SYTL3: variants seen among roughly 807,000 people sequenced by gnomAD.
SYTL3 encodes the protein synaptotagmin like 3, also known as synaptotagmin-like protein 3.
Under a neutral mutation model 82.1 loss-of-function variants are expected in SYTL3, and 88 were observed. The ratio of observed to expected loss-of-function variants is 1.07; its 90% confidence interval spans 0.90 to 1.28. The LOEUF is 1.28. Among genes scored for constraint, SYTL3 ranks in the 50% most tolerant of loss-of-function variants. The pLI is 0.00. For synonymous variants in SYTL3, 311 were observed against 289.4 expected (o/e 1.07, Z -0.76); for missense variants, 831 against 757.6 (o/e 1.10, Z -1.14).
At chr6:158,726,997 C>T (rs929349124) in intron 11 of SYTL3, among the ~76,000 whole-genome samples, 2 of 151,782 alleles carry the variant, frequency 1.3e-5, no homozygotes, top group Non-Finnish European at 2.9e-5. Context: ...CTACAGGCGC[C>T]CGCCACCACA....
chr6:158,690,527 C>T (rs764231143), intron 6 of SYTL3, among the ~76,000 whole-genome samples: 4 of 151,984 alleles, frequency 2.6e-5, no homozygotes, highest in Non-Finnish European at 5.9e-5. Context: ...CCCAGATTTC[C>T]TTGGAAGTAG....
In SYTL3 at chr6:158,764,856, CGTTGTT is replaced by C; in HGVS notation, c.*253_*258del. 2.6e-6 allele frequency: 1 copy of C among 389,314 alleles called. No homozygotes were observed. Among genetic ancestry groups the C allele is most frequent in the Non-Finnish European group, 4.7e-6 (1 of 214,960 alleles). The allele number at this position is 389,314 out of a possible 1,614,324, so 24.1% of individuals were successfully genotyped here. On this transcript the variant is annotated 3_prime_UTR_variant, in exon 18 of 18. Coordinates refer to ENST00000611299, the MANE Select transcript of SYTL3 (RefSeq NM_001242394.2). ...TAGAAAATGGCCAGATTTTAATAAACGTTGTTACCCATGTCCTCCAGTGCTTATCAA... is the reference window on the plus strand; with the variant it reads ...TAGAAAATGGCCAGATTTTAATAAACACCCATGTCCTCCAGTGCTTATCAA...
chr6:158,745,684 A>G (rs1041737335), intron 12 of SYTL3, 26 bp downstream of exon 12: 1 of 1,548,194 alleles, frequency 6.5e-7, no homozygotes, highest in Non-Finnish European at 8.7e-7. Flanking sequence ...TAAGTTTAAC[A>G]TGAGACATAT....
intron 13 of SYTL3, among the ~76,000 whole-genome samples, chr6:158,755,635 C>T (rs1562466558): frequency 1.3e-5 from 2 of 152,210 alleles, no homozygotes; most frequent in East Asian, 3.8e-4. Context: ...AGGGAAATTA[C>T]CGTGTCTCAG....
intron 15 of SYTL3, 141 bp downstream of exon 15, chr6:158,760,886 T>C: frequency 1.4e-6 from 1 of 690,246 alleles, no homozygotes; most frequent in Non-Finnish European, 2.5e-6. Context: ...CTCTTCTTTC[T>C]GAGCCATGCA....
At chr6:158,692,838 C>G (rs1212284346) in intron 6 of SYTL3, among the ~76,000 whole-genome samples, 1 of 151,724 alleles carries the variant, frequency 6.6e-6, no homozygotes, top group Non-Finnish European at 1.5e-5. Flanking sequence ...GTGGTCCCAG[C>G]CACTCGGCAG....
At position 158,663,341 on chromosome 6, in the gene SYTL3, G is replaced by C. The variant is rs754080810; in HGVS notation, c.73G>C (p.Asp25His). 3.1e-6 allele frequency: 5 copies of C among 1,614,066 alleles called. No individual in the cohort carries two copies. In the South Asian group the frequency reaches 4.4e-5, roughly 14 times the overall value. The stretch of plus-strand genomic sequence containing the variant: ...GGCCATTCTCCAGGTCCTGTACCGA[G>C]ACCAGGCGGTTCAAAACACAGAGGA... ...REAILQVLYR[D>H]QAVQNTEEER... Residue 25 changes from aspartate to histidine, a missense_variant, in exon 4 of 18, where the codon GAC (aspartate) becomes CAC (histidine). Physicochemically the swap from Asp to His is moderately conservative, Grantham distance 81. Transcript: ENST00000611299.
chr6:158,755,675 T>C (rs1325543065), intron 13 of SYTL3, among the ~76,000 whole-genome samples: 2 of 152,128 alleles, frequency 1.3e-5, no homozygotes, highest in African/African-American at 4.8e-5. Flanking sequence ...CGTTCCTCGA[T>C]TGGAAAGATG....
intron 10 of SYTL3, among the ~76,000 whole-genome samples, chr6:158,719,095 C>G (rs1783770856): frequency 6.6e-6 from 1 of 152,212 alleles, no homozygotes; most frequent in Non-Finnish European, 1.5e-5. Context: ...GCGCACAGCA[C>G]AAGGTTTTGT....
At chr6:158,728,200 A>G (rs913353522) in intron 11 of SYTL3, among the ~76,000 whole-genome samples, 3 of 152,148 alleles carry the variant, frequency 2.0e-5, no homozygotes, top group Non-Finnish European at 2.9e-5. Flanking sequence ...TCATCTAGAA[A>G]TTTAGAAAAG....
upstream of SYTL3, among the ~76,000 whole-genome samples, chr6:158,648,477 G>GCTACT: frequency 6.6e-6 from 1 of 151,608 alleles, no homozygotes; most frequent in Non-Finnish European, 1.5e-5. Flanking sequence ...TGTAGTCCCA[G>GCTACT]CTACTCGGGA....
chr6:158,672,552 G>A (rs888826075), intron 5 of SYTL3, among the ~76,000 whole-genome samples: 1 of 109,116 alleles, frequency 9.2e-6, no homozygotes, highest in Non-Finnish European at 1.9e-5. Flanking sequence ...TGGTTTTTTT[G>A]TTTCTTTTTT....
intron 5 of SYTL3, among the ~76,000 whole-genome samples, chr6:158,668,521 G>T (rs754244189): frequency 6.7e-6 from 1 of 150,250 alleles, no homozygotes; most frequent in Non-Finnish European, 1.5e-5. Flanking sequence ...GAGCCACTGC[G>T]CCCGGCCGGC....
At chr6:158,709,003 G>A (rs1432859734) in intron 8 of SYTL3, among the ~76,000 whole-genome samples, 4 of 152,160 alleles carry the variant, frequency 2.6e-5, no homozygotes, top group South Asian at 2.1e-4. Flanking sequence ...TTGGGAGGCC[G>A]AGGTGGGTCA....
intron 12 of SYTL3, among the ~76,000 whole-genome samples, chr6:158,751,647 G>A (rs1037603339): frequency 2.0e-5 from 3 of 152,188 alleles, no homozygotes; most frequent in South Asian, 4.1e-4. Flanking sequence ...TCGCCAAATG[G>A]AGTAGGGCCT....
Position 158,718,104 on chromosome 6 carries a change from AATG to A in SYTL3, c.616_618del (p.Asp206del). Reference sequence around the variant, plus strand: ...CCTTTTAGAGCTCTCCAAATCCCAGAATGATATGACTTCTGAGAAGCATCTTCT... The same window carrying A: ...CCTTTTAGAGCTCTCCAAATCCCAGAATATGACTTCTGAGAAGCATCTTCT... On this transcript the variant is annotated inframe_deletion, in exon 10 of 18. Transcript: ENST00000611299. 1.3e-6 allele frequency: 2 copies of A among 1,542,172 alleles called. No individual in the cohort carries two copies. Among genetic ancestry groups the A allele is most frequent in the Non-Finnish European group, 1.7e-6 (2 of 1,143,200 alleles).
chr6:158,672,998 A>C (rs1413846828), intron 5 of SYTL3, among the ~76,000 whole-genome samples: 1 of 151,934 alleles, frequency 6.6e-6, no homozygotes, highest in Non-Finnish European at 1.5e-5. Context: ...GGGTGTGATC[A>C]TAGCTCACTG....
rs750615214 is a variant in SYTL3 at position 158,745,600 on chromosome 6, T to C, written c.976T>C (p.Cys326Arg). The change falls in exon 12 of 18, where the codon TGC (cysteine) becomes CGC (arginine). Residue 326 changes from cysteine to arginine, a missense_variant. Cys to Arg is a radical substitution (Grantham distance 180, BLOSUM62 -3). Coordinates refer to ENST00000611299, the MANE Select transcript of SYTL3 (RefSeq NM_001242394.2). ...YCFKTHSLEI[C>R]IKACKNLAYG... ...CTTCAAAACCCATTCTTTAGAAATA[T>C]GCATCAAGGCCTGTAAGAACCTTGC... 2.8e-5 allele frequency: 45 copies of C among 1,613,670 alleles called. No homozygotes were observed. The highest frequency in any genetic ancestry group is 3.6e-5 in the Non-Finnish European group (43 of 1,179,950).
chr6:158,664,048 C>T (rs1476793059), intron 4 of SYTL3, among the ~76,000 whole-genome samples: 41 of 152,142 alleles, frequency 2.7e-4, no homozygotes, highest in Non-Finnish European at 7.3e-5. Flanking sequence ...TGTCAAGATC[C>T]ATCTTTAAAC....
Sources: allele counts gnomAD v4.1 joint callset (sites outside exome capture counted in the v4.1 genomes callset), GRCh38; gene constraint gnomAD v4.1.1; transcripts MANE v1.5; gene names NCBI Gene and HGNC (gene_info 2026-07-23, HGNC 2026-07-21).